Variants in NELL1 observed in about 807,000 individuals in gnomAD.
NELL1 encodes the protein neural EGFL like 1.
In NELL1, 76 loss-of-function variants were observed where a neutral mutation model predicts 107.4. That is an observed-to-expected ratio of 0.71 (90% CI 0.59 to 0.86). NELL1 has a LOEUF of 0.86. Among genes scored for constraint, NELL1 ranks in the 40% least tolerant of loss-of-function variants. The pLI, the probability that NELL1 is intolerant of heterozygous loss-of-function variation, is 0.00. For synonymous variants in NELL1, 353 were observed against 341.2 expected (o/e 1.03, Z -0.38); for missense variants, 1,024 against 1,005.5 (o/e 1.02, Z -0.25).
intron 14 of NELL1, among the ~76,000 whole-genome samples, chr11:21,339,645 G>T (rs1215726005): frequency 2.0e-5 from 3 of 152,170 alleles, no homozygotes; most frequent in Non-Finnish European, 4.4e-5. Flanking sequence ...AGGGTCCGCT[G>T]GTCCTTGGTG....
chr11:21,307,055 A>G (rs1849620816), intron 14 of NELL1, among the ~76,000 whole-genome samples: 1 of 151,968 alleles, frequency 6.6e-6, no homozygotes, highest in Non-Finnish European at 1.5e-5. Context: ...TCATTTAAGT[A>G]ATTTATTTAT....
At chr11:21,208,321 C>G (rs372759897) in intron 13 of NELL1, among the ~76,000 whole-genome samples, 6 of 151,604 alleles carry the variant, frequency 4.0e-5, no homozygotes, top group Non-Finnish European at 8.8e-5. Flanking sequence ...GCATAACTCC[C>G]GTTTATCTTC....
At chr11:20,838,122 T>C (rs1233750573) in intron 3 of NELL1, among the ~76,000 whole-genome samples, 1 of 151,910 alleles carries the variant, frequency 6.6e-6, no homozygotes, top group African/African-American at 2.4e-5. Context: ...GATACGATAC[T>C]GTGAGAATTG....
intron 14 of NELL1, among the ~76,000 whole-genome samples, chr11:21,263,561 T>C (rs1436153903): frequency 6.6e-6 from 1 of 151,978 alleles, no homozygotes; most frequent in Admixed American, 6.6e-5. Context: ...TGGTGTTCCA[T>C]AGTGCAGAAA....
chr11:21,061,504 CTT>C (rs1853741311), intron 12 of NELL1, among the ~76,000 whole-genome samples: 1 of 152,178 alleles, frequency 6.6e-6, no homozygotes, highest in Non-Finnish European at 1.5e-5. Context: ...GCCAGATCCA[CTT>C]TTGACTAGCT....
In NELL1 at chr11:21,493,527, TAAA is replaced by T. The variant is rs36125830; in HGVS notation, c.1646-40836_1646-40834del. On this transcript the variant is annotated intron_variant, in intron 15 of 19. Transcript: ENST00000357134. ...CATATTCTCACTTATGTGTAGGAGC[TAAA>T]AAAAAAAAAATTGATCTTCTGGAGA... is the stretch of plus-strand genomic sequence containing the variant. Among the ~76,000 whole-genome samples, 5 of 149,476 alleles carry T rather than the reference TAAA, an allele frequency of 3.3e-5. No individual in the cohort carries two copies. In the East Asian group the frequency reaches 5.9e-4, roughly 18 times the overall value.
At chr11:21,314,399 C>T (rs74660758) in intron 14 of NELL1, among the ~76,000 whole-genome samples, 3,626 of 152,198 alleles carry the variant, frequency 0.024, 145 homozygotes, top group African/African-American at 0.084. Context: ...TGCTCTTCAT[C>T]TGTGAAATGT....
At chr11:20,700,837 C>G (rs1231983195) in intron 2 of NELL1, among the ~76,000 whole-genome samples, 2 of 152,122 alleles carry the variant, frequency 1.3e-5, no homozygotes, top group African/African-American at 4.8e-5. Context: ...AGGACATGAA[C>G]TTATCCTTTT....
In NELL1 at chr11:21,290,306, T is replaced by G. The variant is rs535988858; in HGVS notation, c.1549+60852T>G. Among the ~76,000 whole-genome samples, 21 of 151,498 alleles carry G rather than the reference T, an allele frequency of 1.4e-4. No individual in the cohort carries two copies. The East Asian group carries it at 3.7e-3, about 27-fold the overall frequency. ...ATGGCGTGAACCCGGGAGGTGGAGC[T>G]TGCAGTGAGCCAAGATTGCGCCACC... On this transcript the variant is annotated intron_variant, in intron 14 of 19. Transcript: ENST00000357134.
intron 15 of NELL1, among the ~76,000 whole-genome samples, chr11:21,434,823 T>G (rs1853066371): frequency 6.6e-6 from 1 of 152,092 alleles, no homozygotes; most frequent in Non-Finnish European, 1.5e-5. Context: ...AACTGTCCTA[T>G]TCCATTTTTT....
intron 15 of NELL1, among the ~76,000 whole-genome samples, chr11:21,456,745 A>G (rs1004504051): frequency 6.6e-6 from 1 of 152,184 alleles, no homozygotes; most frequent in Admixed American, 6.5e-5. Flanking sequence ...CAGGGCTTGT[A>G]GCAGAAATGT....
At chr11:20,753,391 C>T (rs1481862542) in intron 2 of NELL1, among the ~76,000 whole-genome samples, 1 of 151,976 alleles carries the variant, frequency 6.6e-6, no homozygotes, top group Admixed American at 6.6e-5. Flanking sequence ...ATGATTCACT[C>T]TGCTGGAGCT....
chr11:21,361,258 AATTTT>A (rs1211030301), intron 14 of NELL1, among the ~76,000 whole-genome samples: 19 of 112,354 alleles, frequency 1.7e-4, no homozygotes, highest in Admixed American at 1.0e-3. Context: ...CTTGTGTGAC[AATTTT>A]TTTTTTTTTT....
intron 15 of NELL1, among the ~76,000 whole-genome samples, chr11:21,432,050 A>C (rs1427557838): frequency 6.6e-6 from 1 of 152,158 alleles, no homozygotes; most frequent in Non-Finnish European, 1.5e-5. Flanking sequence ...AGGCAATTAT[A>C]ACAGTGTATA....
intron 12 of NELL1, among the ~76,000 whole-genome samples, chr11:21,008,942 G>T (rs970745126): frequency 1.3e-5 from 2 of 152,154 alleles, no homozygotes; most frequent in African/African-American, 4.8e-5. Context: ...GCAGCATTCA[G>T]TGTGTCAAGT....
At chr11:21,000,536 A>G (rs1289684245) in intron 12 of NELL1, among the ~76,000 whole-genome samples, 1 of 152,206 alleles carries the variant, frequency 6.6e-6, no homozygotes, top group African/African-American at 2.4e-5. Context: ...AACCTAGGAA[A>G]GACAAAGCCA....
intron 13 of NELL1, among the ~76,000 whole-genome samples, chr11:21,123,115 TAA>T (rs1435033197): frequency 6.6e-6 from 1 of 152,132 alleles, no homozygotes; most frequent in African/African-American, 2.4e-5. Flanking sequence ...TTTTTAAAAA[TAA>T]GAGTAACTTT....
chr11:21,559,340 G>T (rs1856797284), intron 16 of NELL1, among the ~76,000 whole-genome samples: 1 of 152,074 alleles, frequency 6.6e-6, no homozygotes, highest in Non-Finnish European at 1.5e-5. Context: ...GTTATCCAAA[G>T]GTGGAGTCAG....
intron 14 of NELL1, among the ~76,000 whole-genome samples, chr11:21,328,559 G>C (rs1421940332): frequency 6.6e-6 from 1 of 152,132 alleles, no homozygotes; most frequent in Non-Finnish European, 1.5e-5. Flanking sequence ...CTGCCTGGTG[G>C]AGCTGTGAGA....
Sources: allele counts gnomAD v4.1 joint callset (sites outside exome capture counted in the v4.1 genomes callset), GRCh38; gene constraint gnomAD v4.1.1; transcripts MANE v1.5; gene names NCBI Gene and HGNC (gene_info 2026-07-23, HGNC 2026-07-21).